Variants in VSTM2L observed in about 807,000 individuals in gnomAD.
The protein encoded by VSTM2L is V-set and transmembrane domain-containing protein 2-like protein.
VSTM2L carries 9 observed loss-of-function variants against 19.9 expected under a neutral mutation model. That is an observed-to-expected ratio of 0.45 (90% CI 0.27 to 0.79). The LOEUF is 0.79. VSTM2L is among the 30% of genes least tolerant of loss of function. VSTM2L has a pLI of 0.15. For missense variants in VSTM2L, 286 were observed against 295.5 expected (o/e 0.97, Z 0.24); for synonymous variants, 127 against 133.8 (o/e 0.95, Z 0.35).
At chr20:37,941,829 A>G (rs2072973832) in intron 3 of VSTM2L, among the ~76,000 whole-genome samples, 1 of 151,488 alleles carries the variant, frequency 6.6e-6, no homozygotes, top group East Asian at 1.9e-4. Context: ...TTTTCTAAGA[A>G]GAAGGGGCCA....
intron 1 of VSTM2L, among the ~76,000 whole-genome samples, chr20:37,921,246 G>A (rs2122954770): frequency 6.6e-6 from 1 of 152,316 alleles, no homozygotes; most frequent in South Asian, 2.1e-4. Flanking sequence ...CAGGGACAGT[G>A]TGCAGGCTGT....
intron 1 of VSTM2L, among the ~76,000 whole-genome samples, chr20:37,907,551 A>T (rs538920772): frequency 6.6e-6 from 1 of 152,224 alleles, no homozygotes; most frequent in African/African-American, 2.4e-5. Flanking sequence ...TTGGTTTCAC[A>T]GGGGAGGGAG....
At chr20:37,915,759 C>G (rs1209832014) in intron 1 of VSTM2L, among the ~76,000 whole-genome samples, 2 of 151,784 alleles carry the variant, frequency 1.3e-5, no homozygotes, top group African/African-American at 4.8e-5. Context: ...GTACTAGGTC[C>G]TGGGTGGGGG....
intron 1 of VSTM2L, among the ~76,000 whole-genome samples, chr20:37,919,404 C>T (rs2072838286): frequency 6.6e-6 from 1 of 152,232 alleles, no homozygotes; most frequent in African/African-American, 2.4e-5. Context: ...TCGGGTGCCT[C>T]CCTGGGGAGG....
intron 1 of VSTM2L, 123 bp from the exon 2 acceptor site, chr20:37,931,511 AC>A: frequency 9.4e-7 from 1 of 1,059,530 alleles, no homozygotes; most frequent in Non-Finnish European, 1.4e-6. Flanking sequence ...CTTGCAGGTC[AC>A]CCCACCCCCT....
chr20:37,924,366 A>G (rs1178395730), intron 1 of VSTM2L, among the ~76,000 whole-genome samples: 1 of 152,144 alleles, frequency 6.6e-6, no homozygotes, highest in African/African-American at 2.4e-5. Flanking sequence ...CAGCCTGGCC[A>G]ACATGGTGAA....
At chr20:37,905,898 T>A (rs2072749619) in intron 1 of VSTM2L, among the ~76,000 whole-genome samples, 1 of 152,162 alleles carries the variant, frequency 6.6e-6, no homozygotes, top group South Asian at 2.1e-4. Flanking sequence ...AGGAGGAGAA[T>A]ACCAATTTGA....
In VSTM2L at chr20:37,945,090, G is replaced by A. The variant is rs1231618431; in HGVS notation, c.*837G>A. 20 of 985,674 alleles carry A rather than the reference G, an allele frequency of 2.0e-5. No homozygotes were observed. The highest frequency in any genetic ancestry group is 2.4e-5 in the Non-Finnish European group (20 of 829,930). The allele number at this position is 985,674 out of a possible 1,614,324, so 61.1% of individuals were successfully genotyped here. ...TGCCAAGTCCGCCCCAGGGCCTGGG[G>A]CTGTTGGGAGCCAAGGGCCCCCTGG... On this transcript the variant is annotated 3_prime_UTR_variant, in exon 4 of 4. Transcript: ENST00000373461.
chr20:37,944,774 G>C lies in VSTM2L; in HGVS notation c.*521G>C. On this transcript the variant is annotated 3_prime_UTR_variant, in exon 4 of 4. Transcript: ENST00000373461. ...CAGGGAACCCAGGAGGGCCCTTCTG[G>C]GGCAGTGGCTCTGCAGGGTCACTCA... is the stretch of plus-strand genomic sequence containing the variant. 1 of 986,400 alleles carries C rather than the reference G, an allele frequency of 1.0e-6. No homozygotes were observed. Among genetic ancestry groups the C allele is most frequent in the Non-Finnish European group, 1.2e-6 (1 of 830,464 alleles). The allele number at this position is 986,400 out of a possible 1,614,324, so 61.1% of individuals were successfully genotyped here. A position where few individuals can be genotyped will look rare whatever the true frequency, so the allele number is the denominator to read the frequency against.
chr20:37,935,938 G>A (rs6096994), intron 3 of VSTM2L, among the ~76,000 whole-genome samples: 4,260 of 149,786 alleles, frequency 0.028, 195 homozygotes, highest in African/African-American at 0.093. Context: ...AGGCTGGAGT[G>A]CAGTGGCGAG....
intron 1 of VSTM2L, among the ~76,000 whole-genome samples, chr20:37,927,970 C>G (rs1391425408): frequency 6.6e-6 from 1 of 152,192 alleles, no homozygotes; most frequent in African/African-American, 2.4e-5. Flanking sequence ...GCTCTGTGTT[C>G]TGCATTGAGC....
At chr20:37,908,958 TGAA>T (rs779168241) in intron 1 of VSTM2L, among the ~76,000 whole-genome samples, 7 of 152,214 alleles carry the variant, frequency 4.6e-5, no homozygotes, top group Admixed American at 1.3e-4. Context: ...ACTGTTTAGA[TGAA>T]GAAAATGAGA....
At chr20:37,912,127 C>T (rs938424232) in intron 1 of VSTM2L, among the ~76,000 whole-genome samples, 1 of 152,212 alleles carries the variant, frequency 6.6e-6, no homozygotes, top group Non-Finnish European at 1.5e-5. Context: ...CACTAAGGGG[C>T]GTGGTGCGAC....
At position 37,931,686 on chromosome 20, in the gene VSTM2L, T is replaced by C. The variant is rs1320085733; in HGVS notation, c.173T>C (p.Val58Ala). The C allele has an allele frequency of 6.2e-7, 1 of 1,613,502 alleles. No homozygotes were observed. The highest frequency in any genetic ancestry group is 2.2e-5 in the East Asian group (1 of 44,884). Residue 58 changes from valine (V) to alanine (A), a missense_variant, in exon 2 of 4, where the codon GTG becomes GCG. Val to Ala is a moderately conservative substitution (Grantham distance 64, BLOSUM62 0). Transcript: ENST00000373461. Reference sequence around the variant, plus strand: ...ATGACAGCACGGACGGGCGAGGACGTGGAGATGGCCTGCTCCTTCCGCGGC... The same window carrying C: ...ATGACAGCACGGACGGGCGAGGACGCGGAGATGGCCTGCTCCTTCCGCGGC... The part of the protein sequence containing the change: ...HDMTARTGED[V>A]EMACSFRGSG...
At chr20:37,929,067 G>A (rs528283442) in intron 1 of VSTM2L, among the ~76,000 whole-genome samples, 2 of 152,208 alleles carry the variant, frequency 1.3e-5, no homozygotes, top group Non-Finnish European at 1.5e-5. Context: ...TGATGATGGC[G>A]TTGGAGGGAA....
intron 1 of VSTM2L, among the ~76,000 whole-genome samples, chr20:37,923,274 T>C (rs575101582): frequency 6.6e-6 from 1 of 152,140 alleles, no homozygotes; most frequent in East Asian, 1.9e-4. Flanking sequence ...AGGTCCCTGG[T>C]CTCAAACGGC....
At position 37,944,719 on chromosome 20, in the gene VSTM2L, A is replaced by G. The variant is rs1452734433; in HGVS notation, c.*466A>G. ...GAATATGGACTTGAATCTTCTGAGC[A>G]GAACTAGGGCCTCTCCCCTGGTGAA... On this transcript the variant is annotated 3_prime_UTR_variant, in exon 4 of 4. Coordinates refer to ENST00000373461, the MANE Select transcript of VSTM2L (RefSeq NM_080607.3). 1.0e-6 allele frequency: 1 copy of G among 988,790 alleles called. No homozygotes were observed. The allele number at this position is 988,790 out of a possible 1,614,324, so 61.3% of individuals were successfully genotyped here. A position where few individuals can be genotyped will look rare whatever the true frequency, so the allele number is the denominator to read the frequency against.
chr20:37,932,929 G>T (rs1183559532), intron 2 of VSTM2L, among the ~76,000 whole-genome samples: 1 of 152,184 alleles, frequency 6.6e-6, no homozygotes, highest in Non-Finnish European at 1.5e-5. Flanking sequence ...TGTCTCACAT[G>T]TGCCCAAGGG....
At chr20:37,906,647 T>C (rs1234352875) in intron 1 of VSTM2L, among the ~76,000 whole-genome samples, 1 of 152,202 alleles carries the variant, frequency 6.6e-6, no homozygotes, top group African/African-American at 2.4e-5. Context: ...TACAGAGAGC[T>C]GGAAAGCTGT....
Sources: gnomAD v4.1 joint callset for allele counts (sites outside exome capture counted in the v4.1 genomes callset) on GRCh38, gnomAD v4.1.1 for gene constraint, MANE v1.5 for transcripts, NCBI Gene and HGNC (gene_info 2026-07-23, HGNC 2026-07-21) for gene names.